The following ADGRL2 variants were observed in gnomAD, a reference collection of about 807,000 sequenced individuals.
The protein encoded by ADGRL2 is adhesion G protein-coupled receptor L2, also known as calcium-independent alpha-latrotoxin receptor 2.
ADGRL2 carries 44 observed loss-of-function variants against 157.4 expected under a neutral mutation model. The observed-to-expected ratio is 0.28, with a 90% CI of 0.22 to 0.36. ADGRL2 has a LOEUF of 0.36. Among genes scored for constraint, ADGRL2 ranks in the 10% least tolerant of loss-of-function variants. ADGRL2 has a pLI of 1.00. For missense variants in ADGRL2, 1,510 were observed against 1,768.9 expected (o/e 0.85, Z 2.63); for synonymous variants, 585 against 624.7 (o/e 0.94, Z 0.95).
intron 2 of ADGRL2, among the ~76,000 whole-genome samples, chr1:81,768,225 T>G (rs2086212040): frequency 6.6e-6 from 1 of 152,130 alleles, no homozygotes; most frequent in African/African-American, 2.4e-5. Flanking sequence ...CTTAAAATTT[T>G]TTGTGTAGAC....
rs573425373 is a variant in ADGRL2, at chr1:81,899,274, A to G, written c.74-7743A>G. ...GTACTGTTTGTTGTCAGAGCAGCAT[A>G]TTTTCTTGCAGAAATGCTTATAAGT... On this transcript the variant is annotated intron_variant, in intron 2 of 23. Transcript: ENST00000686636. Among the ~76,000 whole-genome samples, 3 of 152,304 alleles carry G rather than the reference A, an allele frequency of 2.0e-5. No individual in the cohort carries two copies. In the East Asian group the frequency reaches 5.8e-4, roughly 29 times the overall value.
chr1:81,765,677 T>C (rs1471450944), intron 2 of ADGRL2, among the ~76,000 whole-genome samples: 2 of 152,024 alleles, frequency 1.3e-5, no homozygotes, highest in Admixed American at 1.3e-4. Flanking sequence ...TGGTTGTACT[T>C]AATGAATAAA....
At chr1:81,417,185 C>A (rs1570910018) in intron 1 of ADGRL2, among the ~76,000 whole-genome samples, 1 of 152,094 alleles carries the variant, frequency 6.6e-6, no homozygotes, top group African/African-American at 2.4e-5. Context: ...GACTACTATA[C>A]AATTCTTTAT....
intron 1 of ADGRL2, among the ~76,000 whole-genome samples, chr1:81,428,247 T>C (rs2077254990): frequency 6.6e-6 from 1 of 152,258 alleles, no homozygotes; most frequent in East Asian, 1.9e-4. Flanking sequence ...ATGTGTGTTT[T>C]AGATAAATAG....
chr1:81,845,777 T>G (rs1219980990), intron 2 of ADGRL2, among the ~76,000 whole-genome samples: 2 of 151,866 alleles, frequency 1.3e-5, no homozygotes, highest in Non-Finnish European at 2.9e-5. Context: ...CTGTTTAAAA[T>G]TTTTAATGAA....
In ADGRL2 at chr1:81,701,055, C is replaced by T. The variant is rs569899758; in HGVS notation, c.-143+1247C>T. On this transcript the variant is annotated intron_variant, in intron 1 of 20. Transcript: ENST00000359929. ...GCAGGGCTGGCAAGCAGACAGGGTA[C>T]GGCACACACGGTGCCTGCAGGCTAA... Among the ~76,000 whole-genome samples, 11 of 152,296 alleles carry T rather than the reference C, an allele frequency of 7.2e-5. No homozygotes were observed. The South Asian group carries it at 8.3e-4, about 11-fold the overall frequency.
At chr1:81,405,489 A>G (rs1417170660) in intron 1 of ADGRL2, among the ~76,000 whole-genome samples, 1 of 152,056 alleles carries the variant, frequency 6.6e-6, no homozygotes, top group Non-Finnish European at 1.5e-5. Flanking sequence ...GTCTCCATGA[A>G]TAATTTTAAA....
At chr1:81,686,423 A>C (rs756390982) in intron 3 of ADGRL2, among the ~76,000 whole-genome samples, 2 of 152,174 alleles carry the variant, frequency 1.3e-5, no homozygotes, top group African/African-American at 2.4e-5. Flanking sequence ...TTATGTGTGT[A>C]AAGGTGTTCA....
intron 2 of ADGRL2, among the ~76,000 whole-genome samples, chr1:81,872,568 C>CTCA (rs958623657): frequency 6.6e-6 from 1 of 152,042 alleles, no homozygotes; most frequent in African/African-American, 2.4e-5. Flanking sequence ...CTCTGATAAC[C>CTCA]AGAGAGAGAT....
intron 2 of ADGRL2, among the ~76,000 whole-genome samples, chr1:81,558,277 G>A (rs899119777): frequency 6.6e-6 from 1 of 152,042 alleles, no homozygotes; most frequent in African/African-American, 2.4e-5. Context: ...TAAAGAAGGA[G>A]AAAAGGAACT....
At chr1:81,622,318 C>A (rs1266368394) in intron 3 of ADGRL2, among the ~76,000 whole-genome samples, 1 of 152,170 alleles carries the variant, frequency 6.6e-6, no homozygotes. Context: ...CACGGTAGCT[C>A]ATGCCTGTAA....
chr1:81,316,192 T>A (rs781764778), intron 1 of ADGRL2, among the ~76,000 whole-genome samples: 1 of 152,158 alleles, frequency 6.6e-6, no homozygotes, highest in Non-Finnish European at 1.5e-5. Context: ...TAAAGTACAT[T>A]GTTTATTTTT....
At chr1:81,353,570 T>C (rs901687998) in intron 1 of ADGRL2, among the ~76,000 whole-genome samples, 1 of 152,050 alleles carries the variant, frequency 6.6e-6, no homozygotes, top group Non-Finnish European at 1.5e-5. Context: ...GAAAATAGAT[T>C]GAAAGACAAA....
chr1:81,634,090 A>T (rs1052235528), intron 3 of ADGRL2, among the ~76,000 whole-genome samples: 2 of 152,170 alleles, frequency 1.3e-5, no homozygotes, highest in African/African-American at 4.8e-5. Context: ...AGTCCCAGAG[A>T]GATAGTAGAA....
chr1:81,629,751 GTATA>G (rs2081977414), intron 3 of ADGRL2, among the ~76,000 whole-genome samples: 1 of 151,492 alleles, frequency 6.6e-6, no homozygotes, highest in East Asian at 1.9e-4. Flanking sequence ...GTTTGTGTGT[GTATA>G]TATATGTATA....
Position 81,943,698 on chromosome 1 carries a change from A to G in ADGRL2, c.1139A>G (p.Gln380Arg). The change falls in exon 6 of 24, where the codon CAA becomes CGA. Residue 380 changes from glutamine to arginine, a missense_variant. Coordinates refer to ENST00000686636, the MANE Select transcript of ADGRL2 (RefSeq NM_001366006.2). The surrounding 1 kb of genome is among the most constrained non-coding windows in gnomAD (Gnocchi z 5.6). ...AAVDYNPRDN[Q>R]LYVWNNNFIL... ...GTGGATTACAATCCAAGAGATAACC[A>G]ACTTTACGTGTGGAACAATAACTTC... 6.2e-7 allele frequency: 1 copy of G among 1,613,614 alleles called. No homozygotes were observed. The highest frequency in any genetic ancestry group is 8.5e-7 in the Non-Finnish European group (1 of 1,179,632).
chr1:81,677,776 T>C (rs777139624), intron 3 of ADGRL2, among the ~76,000 whole-genome samples: 16 of 152,322 alleles, frequency 1.1e-4, no homozygotes, highest in Admixed American at 5.9e-4. Context: ...ATTATCTTTC[T>C]AGAGGATAAA....
At chr1:81,600,531 A>T (rs912861898) in intron 3 of ADGRL2, among the ~76,000 whole-genome samples, 4 of 152,224 alleles carry the variant, frequency 2.6e-5, no homozygotes, top group African/African-American at 9.6e-5. Flanking sequence ...CACCAGCAGC[A>T]GGGCAAATTG....
intron 2 of ADGRL2, among the ~76,000 whole-genome samples, chr1:81,839,924 TG>T (rs546724859): frequency 8.1e-6 from 1 of 123,902 alleles, no homozygotes; most frequent in Non-Finnish European, 1.7e-5. Flanking sequence ...CATATATATA[TG>T]ATGGAATATA....
Sources: allele counts gnomAD v4.1 joint callset (sites outside exome capture counted in the v4.1 genomes callset), GRCh38; gene constraint gnomAD v4.1.1; non-coding constraint Gnocchi (gnomAD v3.1); transcripts MANE v1.5; gene names NCBI Gene and HGNC (gene_info 2026-07-23, HGNC 2026-07-21).